The following SLC25A48 variants were observed in gnomAD, a reference collection of about 807,000 sequenced individuals.
SLC25A48 encodes the protein CTC-321K16.1.
Under a neutral mutation model 32.2 loss-of-function variants are expected in SLC25A48, and 29 were observed. The ratio of observed to expected loss-of-function variants is 0.90; its 90% CI spans 0.67 to 1.23. The LOEUF is 1.23. SLC25A48 is among the 50% of genes most tolerant of loss of function. The pLI is 0.00. For missense variants in SLC25A48, 399 were observed against 422.7 expected (o/e 0.94, Z 0.49); for synonymous variants, 164 against 172.3 (o/e 0.95, Z 0.38).
At chr5:135,861,030 A>G (rs1308477628) in intron 4 of SLC25A48, among the ~76,000 whole-genome samples, 1 of 152,214 alleles carries the variant, frequency 6.6e-6, no homozygotes, top group African/African-American at 2.4e-5. Context: ...ATCCATGGTT[A>G]AAAATCTACA....
At position 135,880,011 on chromosome 5, in the gene SLC25A48, C is replaced by T. The variant is rs553909080; in HGVS notation, c.857C>T (p.Pro286Leu). The change falls in exon 7 of 8, where the codon CCC becomes CTC. Residue 286 changes from proline (P) to leucine (L), a missense_variant. Physicochemically the swap from Pro to Leu is moderately conservative, Grantham distance 98. Transcript: ENST00000681962. The part of the protein sequence containing the change: ...GITVNAVRGF[P>L]MSAAMFLGYE... The stretch of plus-strand genomic sequence containing the variant: ...ACTGTGAACGCGGTGCGGGGCTTCC[C>T]CATGAGTGCGGCCATGTTCCTTGGG... The T allele has an allele frequency of 6.5e-7, 1 of 1,536,256 alleles. No individual in the cohort carries two copies. Among genetic ancestry groups the T allele is most frequent in the African/African-American group, 1.4e-5 (1 of 73,028 alleles).
At chr5:135,765,535 G>A (rs1756192016) in intron 3 of SLC25A48, among the ~76,000 whole-genome samples, 1 of 150,020 alleles carries the variant, frequency 6.7e-6, no homozygotes. Flanking sequence ...TTGCTGGGGT[G>A]TAATATAATT....
At chr5:135,855,664 G>T (rs1760253231) in intron 4 of SLC25A48, among the ~76,000 whole-genome samples, 1 of 152,198 alleles carries the variant, frequency 6.6e-6, no homozygotes, top group Non-Finnish European at 1.5e-5. Context: ...AATGGCAACA[G>T]CAAAGCACTA....
intron 7 of SLC25A48, among the ~76,000 whole-genome samples, chr5:135,880,982 C>A (rs772958093): frequency 4.6e-5 from 7 of 152,182 alleles, no homozygotes; most frequent in Non-Finnish European, 1.0e-4. Context: ...AGGACACCCT[C>A]ACTCCCCAGG....
intron 3 of SLC25A48, among the ~76,000 whole-genome samples, chr5:135,718,278 C>G (rs1437287922): frequency 1.3e-5 from 2 of 152,142 alleles, no homozygotes; most frequent in Non-Finnish European, 2.9e-5. Context: ...ACTTTGCTGC[C>G]TCTATCCTTG....
intron 3 of SLC25A48, among the ~76,000 whole-genome samples, chr5:135,775,066 C>T (rs1160157068): frequency 6.6e-6 from 1 of 151,536 alleles, no homozygotes; most frequent in Non-Finnish European, 1.5e-5. Context: ...GATACTGTTC[C>T]CAATATATAG....
rs543090185 is a variant in SLC25A48, at chr5:135,705,259, C to T, written c.-521+70303C>T. The stretch of plus-strand genomic sequence containing the variant: ...CCCTTGTGGCCTCTCTAGCTCAGCG[C>T]GGAGCAAGCAGCTGCTGTCATGGCA... On this transcript the variant is annotated intron_variant, in intron 3 of 10. Coordinates refer to the SLC25A48 transcript ENST00000646290. 3.6e-4 allele frequency among the ~76,000 whole-genome samples: 55 copies of T among 152,320 alleles called. 1 individual carries two copies. In the South Asian group the frequency reaches 0.011, roughly 30 times the overall value.
chr5:135,819,332 A>G (rs1295556683), intron 4 of SLC25A48, among the ~76,000 whole-genome samples: 2 of 152,180 alleles, frequency 1.3e-5, no homozygotes, highest in African/African-American at 2.4e-5. Flanking sequence ...AGCTTAAAGA[A>G]AAACATCTTC....
At chr5:135,826,621 A>G (rs947639681) in intron 4 of SLC25A48, 1 of 152,184 alleles carries the variant, frequency 6.6e-6, no homozygotes, top group Non-Finnish European at 1.5e-5. Context: ...TTTATTAAGC[A>G]TTTACTTTGT....
intron 6 of SLC25A48, chr5:135,876,128 C>CTTTTTTTTTGTTTTTTTTTTTTTTTTTTT (rs1402681382): frequency 2.1e-5 from 1 of 47,864 alleles, no homozygotes; most frequent in African/African-American, 7.8e-5. Context: ...TTTTTTTCTT[C>CTTTTTTTTTGTTTTTTTTTTTTTTTTTTT]TTCTTTTTTT....
intron 3 of SLC25A48, among the ~76,000 whole-genome samples, chr5:135,798,479 C>T (rs1298884649): frequency 6.6e-6 from 1 of 151,666 alleles, no homozygotes; most frequent in East Asian, 1.9e-4. Context: ...GTACATTCCC[C>T]CCTGTGATAT....
chr5:135,598,434 G>A (rs1028576264), intron 1 of SLC25A48, among the ~76,000 whole-genome samples: 3 of 152,146 alleles, frequency 2.0e-5, no homozygotes, highest in Admixed American at 6.5e-5. Context: ...ACCAAGCTTT[G>A]TATAGCTTCT....
rs1450698639 is a variant in SLC25A48 at position 135,666,784 on chromosome 5, G to A, written c.-521+31828G>A. On this transcript the variant is annotated intron_variant, in intron 3 of 10. Coordinates refer to the SLC25A48 transcript ENST00000646290. ...TCATAGTTGCTGCTTATTTAGAAAA[G>A]GAAAGCTATTTTCCTATCCCTACCT... Among the ~76,000 whole-genome samples, 5 of 152,214 alleles carry A rather than the reference G, an allele frequency of 3.3e-5. No individual in the cohort carries two copies. The South Asian group carries it at 1.0e-3, about 32-fold the overall frequency.
intron 3 of SLC25A48, among the ~76,000 whole-genome samples, chr5:135,719,625 A>G (rs1358517307): frequency 2.0e-5 from 3 of 152,148 alleles, no homozygotes; most frequent in Admixed American, 6.5e-5. Flanking sequence ...CTGCTCAGGA[A>G]TGTGTCCTGG....
At chr5:135,697,186 T>C (rs1236232437) in intron 3 of SLC25A48, among the ~76,000 whole-genome samples, 5 of 152,212 alleles carry the variant, frequency 3.3e-5, no homozygotes, top group Non-Finnish European at 7.3e-5. Flanking sequence ...GTGTCTCTTT[T>C]AAGAGACTCC....
chr5:135,846,142 C>T (rs183428799), intron 2 of SLC25A48, among the ~76,000 whole-genome samples: 4 of 152,282 alleles, frequency 2.6e-5, no homozygotes, highest in Non-Finnish European at 2.9e-5. Flanking sequence ...ACTGCGCATG[C>T]GAGGGATCTA....
intron 3 of SLC25A48, chr5:135,652,282 G>A (rs1185681770): frequency 2.3e-6 from 1 of 432,366 alleles, no homozygotes; most frequent in Non-Finnish European, 4.6e-6. Context: ...GATTACAATG[G>A]ACCTTTTCTA....
chr5:135,756,158 C>G (rs2127012985), intron 3 of SLC25A48, among the ~76,000 whole-genome samples: 1 of 151,734 alleles, frequency 6.6e-6, no homozygotes, highest in Non-Finnish European at 1.5e-5. Context: ...TGTCAACACA[C>G]TATGATATTA....
intron 1 of SLC25A48, among the ~76,000 whole-genome samples, chr5:135,590,315 G>A (rs889218156): frequency 6.6e-6 from 1 of 152,152 alleles, no homozygotes; most frequent in African/African-American, 2.4e-5. Flanking sequence ...AGCAAAGCCT[G>A]CCTGGGTTGC....
Sources: allele counts gnomAD v4.1 joint callset (sites outside exome capture counted in the v4.1 genomes callset), GRCh38; gene constraint gnomAD v4.1.1; transcripts MANE v1.5; gene names NCBI Gene and HGNC (gene_info 2026-07-23, HGNC 2026-07-21).